The following ITGBL1 variants were observed in gnomAD, a reference collection of about 807,000 sequenced individuals.
ITGBL1 encodes the protein integrin beta-like protein 1.
Under a neutral mutation model 68.5 loss-of-function variants are expected in ITGBL1, and 51 were observed. The ratio of observed to expected loss-of-function variants is 0.74; its 90% CI spans 0.59 to 0.94. The LOEUF (loss-of-function observed/expected upper bound fraction) is 0.94. Ranked by LOEUF, ITGBL1 falls within the 40% of genes least tolerant of loss-of-function variation. ITGBL1 has a pLI of 0.00. For missense variants in ITGBL1, 649 were observed against 647.4 expected, an observed-to-expected ratio of 1.00 and a Z score of -0.03; for synonymous variants, 209 against 227.3, an observed-to-expected ratio of 0.92 and a Z score of 0.72.
intron 2 of ITGBL1, among the ~76,000 whole-genome samples, chr13:101,522,871 A>G (rs1228619044): frequency 2.6e-5 from 4 of 152,330 alleles, no homozygotes; most frequent in Non-Finnish European, 1.5e-5. Context: ...TAGGAATGGA[A>G]TAAAGTCTTG....
At chr13:101,656,802 A>T (rs1190117118) in intron 7 of ITGBL1, among the ~76,000 whole-genome samples, 1 of 152,120 alleles carries the variant, frequency 6.6e-6, no homozygotes, top group South Asian at 2.1e-4. Flanking sequence ...AGTCTACATC[A>T]TCTGTTTTTG....
At chr13:101,471,526 GTA>G (rs34579648) in intron 2 of ITGBL1, among the ~76,000 whole-genome samples, 40,917 of 142,478 alleles carry the variant, frequency 0.29, 6,755 homozygotes, top group East Asian at 0.66. Context: ...GTGTGTGTGT[GTA>G]TGTATGTGTG....
chr13:101,544,452 A>T (rs9557695), intron 2 of ITGBL1, among the ~76,000 whole-genome samples: 1 of 151,986 alleles, frequency 6.6e-6, no homozygotes, highest in Non-Finnish European at 1.5e-5. Flanking sequence ...GTGAGGTGTC[A>T]GTCTGCCCCT....
At chr13:101,457,220 A>T (rs900534553) in intron 2 of ITGBL1, among the ~76,000 whole-genome samples, 5 of 152,158 alleles carry the variant, frequency 3.3e-5, no homozygotes, top group African/African-American at 1.2e-4. Context: ...GTGGATGGAG[A>T]TGACAGATGG....
At position 101,709,336 on chromosome 13, in the gene ITGBL1, C is replaced by CAGTCCGG. The variant is rs572206250; in HGVS notation, c.1279+2435_1279+2441dup. On this transcript the variant is annotated intron_variant, in intron 9 of 10. Coordinates refer to ENST00000376180, the MANE Select transcript of ITGBL1 (RefSeq NM_004791.3). Reference sequence around the variant, plus strand: ...GCCGAGATTGCGCCACTGCAGTCCGCAGTCCGGCCTGGGTGACAGAGCGAG... The same window carrying CAGTCCGG: ...GCCGAGATTGCGCCACTGCAGTCCGCAGTCCGGAGTCCGGCCTGGGTGACAGAGCGAG... Among the ~76,000 whole-genome samples the CAGTCCGG allele has an allele frequency of 5.4e-3, 661 of 121,538 alleles. 9 individuals carry two copies. Among genetic ancestry groups the CAGTCCGG allele is most frequent in the African/African-American group, 0.021 (631 of 30,634 alleles). 79.7% of individuals were successfully genotyped at this position (121,538 alleles called of 152,430 possible).
At chr13:101,507,419 AT>A (rs2049044055) in intron 2 of ITGBL1, among the ~76,000 whole-genome samples, 1 of 152,134 alleles carries the variant, frequency 6.6e-6, no homozygotes, top group Non-Finnish European at 1.5e-5. Flanking sequence ...GAACAAAAAG[AT>A]TTTTCTTCAC....
At chr13:101,480,804 T>A (rs922835929) in intron 2 of ITGBL1, among the ~76,000 whole-genome samples, 1 of 151,998 alleles carries the variant, frequency 6.6e-6, no homozygotes, top group African/African-American at 2.4e-5. Context: ...GAGTTGGGGT[T>A]GTTTTGAAAA....
intron 7 of ITGBL1, among the ~76,000 whole-genome samples, chr13:101,617,632 A>T (rs527813093): frequency 6.6e-6 from 1 of 152,212 alleles, no homozygotes; most frequent in African/African-American, 2.4e-5. Flanking sequence ...ACAGTCTTTT[A>T]TTAAAACTAT....
At chr13:101,575,319 A>G (rs2050338873) in intron 3 of ITGBL1, 105 bp from the exon 4 acceptor site, 2 of 1,080,102 alleles carry the variant, frequency 1.9e-6, no homozygotes, top group South Asian at 3.2e-5. Context: ...TGAAATATTA[A>G]ATTGATTTGG....
Position 101,715,650 on chromosome 13 carries a change from C to A in ITGBL1, c.1481C>A (p.Pro494His). 6.2e-7 allele frequency: 1 copy of A among 1,601,308 alleles called. No individual in the cohort carries two copies. Among genetic ancestry groups the A allele is most frequent in the Non-Finnish European group, 8.6e-7 (1 of 1,168,584 alleles). The change falls in exon 11 of 11, where the codon CCT (proline) becomes CAT (histidine). Residue 494 changes from proline to histidine, a missense_variant. Pro to His is a moderately conservative substitution (Grantham distance 77). Transcript: ENST00000376180. The part of the protein sequence containing the change: ...ACEIWLGSEY[P>H] Reference sequence around the variant, plus strand: ...GAAATCTGGCTTGGCTCAGAATATCCTTAACAATTACATGAGAGAGGTCTG... The same window carrying A: ...GAAATCTGGCTTGGCTCAGAATATCATTAACAATTACATGAGAGAGGTCTG...
chr13:101,702,876 G>A (rs1208240260), intron 8 of ITGBL1, among the ~76,000 whole-genome samples: 1 of 152,210 alleles, frequency 6.6e-6, no homozygotes, highest in Non-Finnish European at 1.5e-5. Flanking sequence ...AAGTAAAGAT[G>A]TACTCAATTT....
At chr13:101,479,114 TA>T (rs1327337884) in intron 2 of ITGBL1, among the ~76,000 whole-genome samples, 2 of 151,914 alleles carry the variant, frequency 1.3e-5, no homozygotes, top group Non-Finnish European at 2.9e-5. Flanking sequence ...AACAGACATA[TA>T]GACTGAAGGA....
intron 2 of ITGBL1, 105 bp from the exon 3 acceptor site, chr13:101,567,594 T>C: frequency 9.5e-7 from 1 of 1,056,654 alleles, no homozygotes; most frequent in Non-Finnish European, 1.4e-6. Flanking sequence ...TTTCAATTTA[T>C]TATAGCTCAG....
chr13:101,638,806 C>G (rs1195922596), intron 7 of ITGBL1, among the ~76,000 whole-genome samples: 1 of 152,074 alleles, frequency 6.6e-6, no homozygotes, highest in Non-Finnish European at 1.5e-5. Context: ...CACAGCCAAA[C>G]CATATCACTA....
intron 7 of ITGBL1, among the ~76,000 whole-genome samples, chr13:101,617,021 A>G (rs1407129048): frequency 1.3e-5 from 2 of 152,210 alleles, no homozygotes; most frequent in Admixed American, 6.5e-5. Flanking sequence ...TTCTTTGGCT[A>G]GATTATAAAA....
At chr13:101,590,990 G>A (rs546837045) in intron 6 of ITGBL1, among the ~76,000 whole-genome samples, 38 of 151,940 alleles carry the variant, frequency 2.5e-4, no homozygotes, top group Non-Finnish European at 4.9e-4. Context: ...TGCAACCTCC[G>A]CCTCCTGGGT....
At chr13:101,511,522 A>G (rs2049115412) in intron 2 of ITGBL1, among the ~76,000 whole-genome samples, 1 of 152,086 alleles carries the variant, frequency 6.6e-6, no homozygotes. Context: ...TTTTGTTTTG[A>G]GCTAATCAAA....
intron 2 of ITGBL1, among the ~76,000 whole-genome samples, chr13:101,498,051 A>T (rs909524022): frequency 6.6e-6 from 1 of 152,054 alleles, no homozygotes; most frequent in Admixed American, 6.6e-5. Context: ...AAGGTTTTCC[A>T]TTCAGTTTTA....
chr13:101,489,206 C>T (rs773783116), intron 2 of ITGBL1, among the ~76,000 whole-genome samples: 2 of 152,066 alleles, frequency 1.3e-5, no homozygotes, highest in African/African-American at 2.4e-5. Context: ...GAAAGGTTAC[C>T]GAAATTGTAC....
Sources: allele counts gnomAD v4.1 joint callset (sites outside exome capture counted in the v4.1 genomes callset), GRCh38; gene constraint gnomAD v4.1.1; transcripts MANE v1.5; gene names NCBI Gene and HGNC (gene_info 2026-07-23, HGNC 2026-07-21).